Variants in ANKRD12 observed in about 807,000 individuals in gnomAD.
ANKRD12 encodes the protein ankyrin repeat domain-containing protein 12.
Under a neutral mutation model 183.4 loss-of-function variants are expected in ANKRD12, and 85 were observed. The ratio of observed to expected loss-of-function variants is 0.46; its 90% CI spans 0.39 to 0.56. ANKRD12 has a LOEUF of 0.56. ANKRD12 is among the 20% of genes least tolerant of loss of function. The pLI, the probability that ANKRD12 is intolerant of heterozygous loss-of-function variation, is 0.00. For missense variants in ANKRD12, 2,405 were observed against 2,357.1 expected, an observed-to-expected ratio of 1.02 and a Z score of -0.42; for synonymous variants, 914 against 800.2, an observed-to-expected ratio of 1.14 and a Z score of -2.40.
chr18:9,248,779 G>C (rs574470392), intron 8 of ANKRD12, among the ~76,000 whole-genome samples: 53 of 152,332 alleles, frequency 3.5e-4, no homozygotes, highest in Non-Finnish European at 6.6e-4. Flanking sequence ...GATAGCTATG[G>C]ATGGCATGGG....
chr18:9,207,740 A>G (rs1482356785), intron 4 of ANKRD12, among the ~76,000 whole-genome samples: 3 of 152,106 alleles, frequency 2.0e-5, no homozygotes, highest in Non-Finnish European at 2.9e-5. Context: ...AGGTACCCTC[A>G]AACCTGGATC....
chr18:9,211,612 A>G lies in ANKRD12; in HGVS notation c.480A>G (p.Thr160=), dbSNP rs1202156049. The change falls in exon 6 of 13, where the codon ACA becomes ACG. Residue 160 remains threonine (T), a synonymous_variant. Transcript: ENST00000262126. ...PDSTPNHPSQ[T]TPAQKKTPSS... is the part of the protein sequence containing the mutation. Reference sequence around the variant, plus strand: ...CCACACCAAATCATCCATCACAAACAACGCCTGCCCAAAAGAAAACTCCCA... The same window carrying G: ...CCACACCAAATCATCCATCACAAACGACGCCTGCCCAAAAGAAAACTCCCA... The G allele has an allele frequency of 6.2e-7, 1 of 1,613,892 alleles. No individual in the cohort carries two copies. Among genetic ancestry groups the G allele is most frequent in the Non-Finnish European group, 8.5e-7 (1 of 1,179,874 alleles).
intron 8 of ANKRD12, among the ~76,000 whole-genome samples, chr18:9,229,551 G>GT (rs1031629633): frequency 1.3e-5 from 2 of 152,042 alleles, no homozygotes; most frequent in South Asian, 2.1e-4. Context: ...TGTTGTTGTT[G>GT]TTGTTTGTTT....
chr18:9,284,284 A>G lies in ANKRD12; in HGVS notation c.*3158A>G, dbSNP rs1397319698. On this transcript the variant is annotated 3_prime_UTR_variant, in exon 13 of 13. Coordinates refer to ENST00000262126, the MANE Select transcript of ANKRD12 (RefSeq NM_015208.5). Reference sequence around the variant, plus strand: ...CTGTATTAGACATGCTACAAACTTCATAACTGGAAACATCTCAAAGACCCC... The same window carrying G: ...CTGTATTAGACATGCTACAAACTTCGTAACTGGAAACATCTCAAAGACCCC... The G allele has an allele frequency of 1.3e-5, 2 of 152,352 alleles. No homozygotes were observed. Among genetic ancestry groups the G allele is most frequent in the East Asian group, 1.9e-4 (1 of 5,196 alleles). 9.4% of individuals were successfully genotyped at this position (152,352 alleles called of 1,614,324 possible). A position where few individuals can be genotyped will look rare whatever the true frequency, so the allele number is the denominator to read the frequency against.
At chr18:9,197,049 T>G (rs1253267325) in intron 3 of ANKRD12, among the ~76,000 whole-genome samples, 1 of 152,188 alleles carries the variant, frequency 6.6e-6, no homozygotes, top group Non-Finnish European at 1.5e-5. Context: ...TTCTGATAGC[T>G]GTTCGAAAAA....
chr18:9,137,731 C>A (rs2078167677), intron 1 of ANKRD12: 1 of 152,290 alleles, frequency 6.6e-6, no homozygotes, highest in Non-Finnish European at 1.5e-5. Context: ...CAGGCAGTTC[C>A]CGTCATCGTT....
intron 1 of ANKRD12, among the ~76,000 whole-genome samples, chr18:9,157,729 T>C (rs1443213831): frequency 6.6e-6 from 1 of 151,556 alleles, no homozygotes; most frequent in African/African-American, 2.4e-5. Flanking sequence ...CAGTATGTTA[T>C]GTATATTTAA....
intron 3 of ANKRD12, among the ~76,000 whole-genome samples, chr18:9,203,430 GAAGAACACAATAATATTGTGAGTTGA>G (rs1462528646): frequency 2.6e-5 from 4 of 152,114 alleles, no homozygotes; most frequent in African/African-American, 9.7e-5. Context: ...TTAAGGATAT[GAAGAACACAATAATATTGTGAGTTGA>G]AATGGCATTT....
intron 1 of ANKRD12, among the ~76,000 whole-genome samples, chr18:9,179,508 A>ATAGT (rs1327223237): frequency 6.6e-6 from 1 of 152,038 alleles, no homozygotes; most frequent in Non-Finnish European, 1.5e-5. Context: ...ACTAAATTAC[A>ATAGT]TAGTTTGATT....
At chr18:9,236,060 G>A (rs1460068861) in intron 8 of ANKRD12, among the ~76,000 whole-genome samples, 2 of 151,146 alleles carry the variant, frequency 1.3e-5, no homozygotes, top group Non-Finnish European at 2.9e-5. Flanking sequence ...TAGTTCTTTT[G>A]TTTAACTTAG....
intron 1 of ANKRD12, among the ~76,000 whole-genome samples, chr18:9,147,907 G>T (rs964858458): frequency 2.6e-5 from 4 of 152,118 alleles, no homozygotes; most frequent in African/African-American, 9.7e-5. Context: ...CCTTCAAACA[G>T]TTTACCATTT....
intron 1 of ANKRD12, among the ~76,000 whole-genome samples, chr18:9,142,797 T>C (rs1048931029): frequency 6.6e-6 from 1 of 152,048 alleles, no homozygotes; most frequent in African/African-American, 2.4e-5. Context: ...GGCAGGAGAA[T>C]TGCTTGAACC....
At chr18:9,216,947 A>G in intron 7 of ANKRD12, 47 bp downstream of exon 7, 1 of 1,557,906 alleles carries the variant, frequency 6.4e-7, no homozygotes, top group Non-Finnish European at 8.8e-7. Context: ...GCAAAATATA[A>G]ATTCAACCCA....
At chr18:9,196,189 T>TACACACAC (rs34220366) in intron 3 of ANKRD12, among the ~76,000 whole-genome samples, 3,162 of 51,570 alleles carry the variant, frequency 0.061, 100 homozygotes, top group South Asian at 0.097. Context: ...ATAGAATTTT[T>TACACACAC]ACACACACAC....
intron 8 of ANKRD12, among the ~76,000 whole-genome samples, chr18:9,247,781 T>TG (rs2038050707): frequency 6.6e-6 from 1 of 150,882 alleles, no homozygotes; most frequent in African/African-American, 2.5e-5. Context: ...GTTTTGGGGT[T>TG]TTTTTGTTTT....
intron 8 of ANKRD12, among the ~76,000 whole-genome samples, chr18:9,253,962 A>T (rs999092176): frequency 9.2e-5 from 14 of 152,214 alleles, no homozygotes; most frequent in Non-Finnish European, 2.9e-5. Context: ...TGATTTTAAC[A>T]TATACTGTGC....
At chr18:9,280,270 C>T (rs906982437) in intron 12 of ANKRD12, among the ~76,000 whole-genome samples, 2 of 152,094 alleles carry the variant, frequency 1.3e-5, no homozygotes, top group African/African-American at 4.8e-5. Flanking sequence ...AGGGTTTGAG[C>T]TGCTATGAGA....
At chr18:9,155,405 C>A (rs1006264803) in intron 1 of ANKRD12, among the ~76,000 whole-genome samples, 2 of 152,202 alleles carry the variant, frequency 1.3e-5, no homozygotes, top group East Asian at 3.8e-4. Flanking sequence ...GTGTTTTGGG[C>A]ATACTAGTAA....
intron 6 of ANKRD12, among the ~76,000 whole-genome samples, chr18:9,214,094 T>C (rs2035956794): frequency 6.6e-6 from 1 of 152,082 alleles, no homozygotes; most frequent in Non-Finnish European, 1.5e-5. Context: ...TTGAAATTTT[T>C]TTTGAGATTT....
Sources: allele counts gnomAD v4.1 joint callset (sites outside exome capture counted in the v4.1 genomes callset), GRCh38; gene constraint gnomAD v4.1.1; transcripts MANE v1.5; gene names NCBI Gene and HGNC (gene_info 2026-07-23, HGNC 2026-07-21).